Variants in ERGIC1 observed in about 807,000 individuals in gnomAD.
ERGIC1 encodes endoplasmic reticulum-Golgi intermediate compartment protein 1.
A neutral mutation model predicts 38.3 loss-of-function variants in ERGIC1; 19 were observed. That is an observed-to-expected ratio of 0.50 (90% confidence interval 0.35 to 0.73). The LOEUF (loss-of-function observed/expected upper bound fraction) is 0.73. ERGIC1 is among the 30% of genes least tolerant of loss of function. ERGIC1 has a pLI of 0.01. For synonymous variants in ERGIC1, 124 were observed against 157.6 expected (o/e 0.79, Z 1.60); for missense variants, 294 against 389.2 (o/e 0.76, Z 2.06).
chr5:172,885,700 G>T (rs1442435927), intron 1 of ERGIC1, among the ~76,000 whole-genome samples: 1 of 124,840 alleles, frequency 8.0e-6, no homozygotes, highest in African/African-American at 3.1e-5. Context: ...TCCCGCTGCA[G>T]CCCTTTCCTG....
At chr5:172,932,624 CTT>C (rs1029899863) in intron 8 of ERGIC1, 88 bp downstream of exon 8, 6 of 1,323,636 alleles carry the variant, frequency 4.5e-6, no homozygotes, top group Middle Eastern at 1.9e-4. Context: ...CACCGACGCA[CTT>C]TCTTCTGATT....
rs569504805 is a variant in ERGIC1 at position 172,839,304 on chromosome 5, C to T, written c.20+4871C>T. Among the ~76,000 whole-genome samples, 32 of 151,358 alleles carry T rather than the reference C, an allele frequency of 2.1e-4. 3 individuals carry two copies. In the South Asian group the frequency reaches 6.7e-3, roughly 32 times the overall value. On this transcript the variant is annotated intron_variant, in intron 1 of 9. Coordinates refer to ENST00000393784, the MANE Select transcript of ERGIC1 (RefSeq NM_001031711.3). ...GGTGTGGTAGCTCACACCTGTAATCCCAGTACTTTGGGAGGCCAAAGTGGG... is the reference window on the plus strand; with the variant it reads ...GGTGTGGTAGCTCACACCTGTAATCTCAGTACTTTGGGAGGCCAAAGTGGG...
intron 3 of ERGIC1, among the ~76,000 whole-genome samples, chr5:172,906,365 G>T (rs2446189): frequency 0.14 from 20,651 of 152,138 alleles, 2,458 homozygotes; most frequent in African/African-American, 0.31. Context: ...CCCTCTCCGA[G>T]CCTGTTCCCT....
intron 1 of ERGIC1, among the ~76,000 whole-genome samples, chr5:172,881,898 C>A (rs1281101866): frequency 6.6e-6 from 1 of 152,214 alleles, no homozygotes; most frequent in Non-Finnish European, 1.5e-5. Context: ...CCTCCATTCT[C>A]TTCACCCTTT....
chr5:172,921,438 C>T lies in ERGIC1; in HGVS notation c.376-2567C>T, dbSNP rs1319758641. 4 of 152,410 alleles carry T rather than the reference C, an allele frequency of 2.6e-5. No homozygotes were observed. In the East Asian group the frequency reaches 7.7e-4, roughly 29 times the overall value. The allele number at this position is 152,410 out of a possible 1,614,324, so 9.4% of individuals were successfully genotyped here. A position where few individuals can be genotyped will look rare whatever the true frequency, so the allele number is the denominator to read the frequency against. Reference sequence around the variant, plus strand: ...TGAGGCCGAGGCTACAGGCTGTCAGCTTGATGCCTCCCCTGTCAGCCACAA... The same window carrying T: ...TGAGGCCGAGGCTACAGGCTGTCAGTTTGATGCCTCCCCTGTCAGCCACAA... On this transcript the variant is annotated intron_variant, in intron 5 of 9. Coordinates refer to ENST00000393784, the MANE Select transcript of ERGIC1 (RefSeq NM_001031711.3).
Position 172,834,306 on chromosome 5 carries a change from C to A in ERGIC1, c.-108C>A. 1.9e-6 allele frequency: 2 copies of A among 1,045,586 alleles called. No individual in the cohort carries two copies. The highest frequency in any genetic ancestry group is 2.4e-6 in the Non-Finnish European group (2 of 846,206). The allele number at this position is 1,045,586 out of a possible 1,614,324, so 64.8% of individuals were successfully genotyped here. A position where few individuals can be genotyped will look rare whatever the true frequency, so the allele number is the denominator to read the frequency against. On this transcript the variant is annotated 5_prime_UTR_variant, in exon 1 of 10. Transcript: ENST00000393784. The surrounding 1 kb of genome is among the most constrained non-coding windows in gnomAD (Gnocchi z 4.1). The stretch of plus-strand genomic sequence containing the variant: ...TGGCGAGTGGCGAGTGTCAGGGGGG[C>A]GGCCGGCGGGGGCGGGGCGGCCGGA...
intron 8 of ERGIC1, 157 bp from the exon 9 acceptor site, chr5:172,935,031 G>A: frequency 9.4e-7 from 1 of 1,064,126 alleles, no homozygotes; most frequent in Non-Finnish European, 1.4e-6. Flanking sequence ...GCCTCCAGGG[G>A]AAGGGATGTG....
Position 172,908,744 on chromosome 5 carries a change from A to G in ERGIC1, c.156-923A>G, listed in dbSNP as rs147046199. 2.6e-3 allele frequency among the ~76,000 whole-genome samples: 389 copies of G among 152,346 alleles called. 1 individual carries two copies. The highest frequency in any genetic ancestry group is 9.1e-3 in the African/African-American group (377 of 41,584). ...TTAGACTTCTGACCTCCAAAAGCATAAGACAATAAATGTGTGTTGGTTTAA... is the reference window on the plus strand; with the variant it reads ...TTAGACTTCTGACCTCCAAAAGCATGAGACAATAAATGTGTGTTGGTTTAA... On this transcript the variant is annotated intron_variant, in intron 3 of 9. Transcript: ENST00000393784.
intron 7 of ERGIC1, among the ~76,000 whole-genome samples, chr5:172,929,360 G>T (rs1337002403): frequency 6.6e-6 from 1 of 152,160 alleles, no homozygotes; most frequent in Non-Finnish European, 1.5e-5. Context: ...GAATTTTTCT[G>T]TAAGAAGATT....
rs188294504 is a variant in ERGIC1, at chr5:172,885,816, G to T, written c.21-2883G>T. Reference sequence around the variant, plus strand: ...CCACATCCTCTTCCAGCTCCGCAAGGCCTCTCCGCTCAAATGGTCACCGCC... The same window carrying T: ...CCACATCCTCTTCCAGCTCCGCAAGTCCTCTCCGCTCAAATGGTCACCGCC... On this transcript the variant is annotated intron_variant, in intron 1 of 9. Coordinates refer to ENST00000393784, the MANE Select transcript of ERGIC1 (RefSeq NM_001031711.3). Among the ~76,000 whole-genome samples the T allele has an allele frequency of 9.2e-5, 14 of 152,278 alleles. No homozygotes were observed. The East Asian group carries it at 2.7e-3, about 29-fold the overall frequency.
chr5:172,864,636 G>T (rs974901829), intron 1 of ERGIC1, among the ~76,000 whole-genome samples: 3 of 151,350 alleles, frequency 2.0e-5, no homozygotes, highest in African/African-American at 7.3e-5. Context: ...TTTTTTAAAT[G>T]CTGGTTGCAA....
At chr5:172,838,798 G>C (rs558303205) in intron 1 of ERGIC1, among the ~76,000 whole-genome samples, 2 of 152,252 alleles carry the variant, frequency 1.3e-5, no homozygotes, top group East Asian at 3.9e-4. Context: ...CCTACACCAA[G>C]CTAAGCCTCA....
rs1761054572 is a variant in ERGIC1, at chr5:172,837,066, A to C, written c.20+2633A>C. ...CTCTTTTAAGAATTGTGGGGAGTGG[A>C]GAGGGGTATACCGTGATTAGACCTC... On this transcript the variant is annotated intron_variant, in intron 1 of 9. Coordinates refer to ENST00000393784, the MANE Select transcript of ERGIC1 (RefSeq NM_001031711.3). The surrounding 1 kb of genome is among the most constrained non-coding windows in gnomAD (Gnocchi z 4.3). Among the ~76,000 whole-genome samples the C allele has an allele frequency of 6.6e-6, 1 of 152,092 alleles. No individual in the cohort carries two copies. The highest frequency in any genetic ancestry group is 1.5e-5 in the Non-Finnish European group (1 of 68,006).
chr5:172,848,794 G>T (rs1761338377), intron 1 of ERGIC1, among the ~76,000 whole-genome samples: 1 of 152,216 alleles, frequency 6.6e-6, no homozygotes, highest in African/African-American at 2.4e-5. Context: ...CAAGAATGGA[G>T]GACTTCATTG....
intron 1 of ERGIC1, among the ~76,000 whole-genome samples, chr5:172,879,977 A>G (rs1027654649): frequency 1.2e-4 from 18 of 152,188 alleles, no homozygotes; most frequent in African/African-American, 4.3e-4. Context: ...TTACATGAGC[A>G]CTAACAAGGA....
intron 2 of ERGIC1, among the ~76,000 whole-genome samples, chr5:172,889,225 A>C (rs1762501812): frequency 1.3e-5 from 2 of 151,572 alleles, no homozygotes. Context: ...TGGAGGTTGC[A>C]GTGAGCCGAG....
intron 5 of ERGIC1, chr5:172,917,868 T>C (rs549281087): frequency 1.2e-4 from 19 of 152,320 alleles, no homozygotes; most frequent in African/African-American, 4.6e-4. Context: ...TGCACCACTG[T>C]TTTAAAATTA....
chr5:172,910,541 T>TTTTTTG (rs1554112084), intron 4 of ERGIC1, among the ~76,000 whole-genome samples: 1 of 130,000 alleles, frequency 7.7e-6, no homozygotes, highest in African/African-American at 2.8e-5. Context: ...TTTTTTTTTT[T>TTTTTTG]GAGACGGAGT....
intron 7 of ERGIC1, among the ~76,000 whole-genome samples, chr5:172,929,781 C>T (rs920076297): frequency 1.3e-5 from 2 of 152,122 alleles, no homozygotes; most frequent in African/African-American, 4.8e-5. Context: ...TGAGCACCTA[C>T]TATATGCTGG....
Sources: allele counts gnomAD v4.1 joint callset (sites outside exome capture counted in the v4.1 genomes callset), GRCh38; gene constraint gnomAD v4.1.1; non-coding constraint Gnocchi (gnomAD v3.1); transcripts MANE v1.5; gene names NCBI Gene and HGNC (gene_info 2026-07-23, HGNC 2026-07-21).